The following TCIRG1 variants were observed in gnomAD, a reference collection of about 807,000 sequenced individuals.
The protein encoded by TCIRG1 is T cell immune regulator 1, ATPase H+ transporting V0 subunit a3.
Under a neutral mutation model 95.5 loss-of-function variants are expected in TCIRG1, and 86 were observed. That is an observed-to-expected ratio of 0.90 (90% CI 0.76 to 1.08). The LOEUF (loss-of-function observed/expected upper bound fraction) is 1.08, where lower values mean the gene tolerates loss of function less well. Among genes scored for constraint, TCIRG1 ranks in the 50% least tolerant of loss-of-function variants. The probability of loss-of-function intolerance (pLI) is 0.00; values close to 1 mark genes in which losing one functional copy is unlikely to be tolerated. For missense variants in TCIRG1, 1,069 were observed against 1,140.2 expected (o/e 0.94, Z 0.90); for synonymous variants, 499 against 501.3 (o/e 1.00, Z 0.06).
chr11:68,041,307 G>C lies in TCIRG1; in HGVS notation c.36G>C (p.Leu12=), dbSNP rs2134430551. The C allele has an allele frequency of 6.2e-7, 1 of 1,613,190 alleles. No individual in the cohort carries two copies. Residue 12 remains leucine (L), a synonymous_variant, in exon 2 of 20, where the codon CTG becomes CTC. Coordinates refer to ENST00000265686, the MANE Select transcript of TCIRG1 (RefSeq NM_006019.4). ...TGTTCCGGAGCGAGGAGGTGGCCCT[G>C]GTCCAGCTCTTTCTGCCCACAGCGG... The part of the protein sequence containing the change: ...GSMFRSEEVA[L]VQLFLPTAAA...
At chr11:68,043,338 T>C (rs547027179) in intron 5 of TCIRG1, 33 bp from the exon 6 acceptor site, 23 of 1,535,840 alleles carry the variant, frequency 1.5e-5, no homozygotes, top group Admixed American at 2.0e-5. Context: ...GGCAGGAGGT[T>C]GGAGCAGCCC....
At chr11:68,042,899 G>C (rs976324674) in intron 4 of TCIRG1, 36 bp downstream of exon 4, 2 of 1,550,218 alleles carry the variant, frequency 1.3e-6, no homozygotes, top group South Asian at 2.4e-5. Context: ...TGGGGGGCTG[G>C]GGAGGGGCTG....
intron 5 of TCIRG1, 111 bp from the exon 6 acceptor site, chr11:68,043,260 G>A (rs758601756): frequency 1.7e-5 from 25 of 1,489,226 alleles, no homozygotes; most frequent in Non-Finnish European, 2.1e-5. Flanking sequence ...GGCAGGGCCA[G>A]TGTGCCCAAT....
intron 13 of TCIRG1, 36 bp from the exon 14 acceptor site, chr11:68,048,843 G>A: frequency 6.9e-7 from 1 of 1,446,170 alleles, no homozygotes; most frequent in East Asian, 2.3e-5. Flanking sequence ...TGGCGAGGGA[G>A]CCCCTGAGTC....
rs1330710686 is a variant in TCIRG1, at chr11:68,047,791, C to T, written c.1450C>T (p.Gln484Ter). 6.2e-7 allele frequency: 1 copy of T among 1,613,086 alleles called. No individual in the cohort carries two copies. Among genetic ancestry groups the T allele is most frequent in the African/African-American group, 1.3e-5 (1 of 75,054 alleles). ...SGWSVAAMANQSGWSDAFLAQ... is the reference protein window; with the variant it reads ...SGWSVAAMAN The stretch of plus-strand genomic sequence containing the variant: ...CTGGAGTGTGGCCGCCATGGCCAAC[C>T]AGTCTGGCTGGAGGTGAGGCCCGGG... Residue 484 changes from glutamine (Q) to a stop codon, truncating the protein, a stop_gained, in exon 12 of 20, where the codon CAG becomes TAG. Coordinates refer to ENST00000265686, the MANE Select transcript of TCIRG1 (RefSeq NM_006019.4). LOFTEE classifies it high-confidence loss of function.
chr11:68,050,906 G>T (rs947311902), downstream of TCIRG1: 3 of 1,433,976 alleles, frequency 2.1e-6, no homozygotes, highest in Non-Finnish European at 9.6e-7. Context: ...GTGATGTCTC[G>T]TCTCTCTTCC....
chr11:68,044,172 GC>G lies in TCIRG1; in HGVS notation c.850del (p.Arg284GlyfsTer16). 1 of 1,553,154 alleles carries G rather than the reference GC, an allele frequency of 6.4e-7. No homozygotes were observed. The highest frequency in any genetic ancestry group is 1.4e-5 in the African/African-American group (1 of 73,626). ...GAGCGGTTCCTGAGCCAGGTGCTAG[GC>G]CGGGTGCTGCAGCTGCTGCCGCCAG... ...ETERFLSQVL[G>X]RVLQLLPPGQ... is the part of the protein sequence containing the mutation. On this transcript the variant is annotated frameshift_variant, in exon 9 of 20. Coordinates refer to ENST00000265686, the MANE Select transcript of TCIRG1 (RefSeq NM_006019.4). LOFTEE classifies it high-confidence loss of function.
downstream of TCIRG1, chr11:68,053,741 G>C (rs1247567668): frequency 2.3e-6 from 1 of 427,388 alleles, no homozygotes; most frequent in African/African-American, 2.0e-5. Flanking sequence ...AGGATTCAGA[G>C]ATGTTGCACT....
rs772507621 is a variant in TCIRG1, at chr11:68,050,853, G to A, written c.*34G>A. 26 of 1,606,188 alleles carry A rather than the reference G, an allele frequency of 1.6e-5. No homozygotes were observed. Among genetic ancestry groups the A allele is most frequent in the Non-Finnish European group, 2.0e-5 (23 of 1,176,204 alleles). ...GCAGGTCCTGCCAGACCTCCTTCCTGACCTCTGAGGCAGGAGAGGAATAAA... is the reference window on the plus strand; with the variant it reads ...GCAGGTCCTGCCAGACCTCCTTCCTAACCTCTGAGGCAGGAGAGGAATAAA... On this transcript the variant is annotated 3_prime_UTR_variant, in exon 20 of 20. Transcript: ENST00000265686.
At position 68,045,227 on chromosome 11, in the gene TCIRG1, C is replaced by T. The variant is rs1011431515; in HGVS notation, c.1165+125C>T. 1.3e-5 allele frequency: 16 copies of T among 1,195,560 alleles called. 1 individual carries two copies. The African/African-American group carries it at 2.1e-4, about 16-fold the overall frequency. The allele number at this position is 1,195,560 out of a possible 1,614,324, so 74.1% of individuals were successfully genotyped here. On this transcript the variant is annotated intron_variant, in intron 10 of 19. Coordinates refer to ENST00000265686, the MANE Select transcript of TCIRG1 (RefSeq NM_006019.4). ...CTGCCCTCCTGGGATGAGGGGCACACATCCCATCACTCTCAAGGGGCTGTT... is the reference window on the plus strand; with the variant it reads ...CTGCCCTCCTGGGATGAGGGGCACATATCCCATCACTCTCAAGGGGCTGTT...
chr11:68,050,212 G>T lies in TCIRG1; in HGVS notation c.2194G>T (p.Ala732Ser). 6.2e-7 allele frequency: 1 copy of T among 1,613,498 alleles called. No individual in the cohort carries two copies. The highest frequency in any genetic ancestry group is 8.5e-7 in the Non-Finnish European group (1 of 1,179,904). Reference sequence around the variant, plus strand: ...CTGCCTGGGCTGCGTCTCCAACACCGCCTCCTACCTGCGCCTGTGGGCCCT... The same window carrying T: ...CTGCCTGGGCTGCGTCTCCAACACCTCCTCCTACCTGCGCCTGTGGGCCCT... ...EFCLGCVSNTASYLRLWALSL... is the reference protein window; with the variant it reads ...EFCLGCVSNTSSYLRLWALSL... The change falls in exon 18 of 20, where the codon GCC becomes TCC. Residue 732 changes from alanine (A) to serine (S), a missense_variant. Physicochemically the swap from Ala to Ser is moderately conservative, Grantham distance 99. Transcript: ENST00000265686.
At position 68,047,697 on chromosome 11, in the gene TCIRG1, G is replaced by T; in HGVS notation, c.1356G>T (p.Leu452=). The T allele has an allele frequency of 6.2e-7, 1 of 1,612,296 alleles. No individual in the cohort carries two copies. The highest frequency in any genetic ancestry group is 8.5e-7 in the Non-Finnish European group (1 of 1,179,606). The change falls in exon 12 of 20, where the codon CTG becomes CTT. Residue 452 remains leucine, a synonymous_variant. Coordinates refer to ENST00000265686, the MANE Select transcript of TCIRG1 (RefSeq NM_006019.4). ...GCTACCTGCTCCTGCTTATGGGCCT[G>T]TTCTCCATCTACACCGGCTTCATCT... ...RGRYLLLLMG[L]FSIYTGFIYN...
chr11:68,052,881 G>A (rs1051959892), downstream of TCIRG1: 1 of 152,222 alleles, frequency 6.6e-6, no homozygotes, highest in African/African-American at 2.4e-5. Flanking sequence ...TTTTTTATTT[G>A]TATAGTACAA....
At chr11:68,053,667 G>A, downstream of TCIRG1, 1 of 305,360 alleles carries the variant, frequency 3.3e-6, no homozygotes, top group Non-Finnish European at 6.2e-6. Context: ...GCTTACTCTT[G>A]CTGTTTGCCT....
chr11:68,044,908 C>T (rs770243145), intron 9 of TCIRG1, 50 bp from the exon 10 acceptor site: 1 of 1,601,032 alleles, frequency 6.2e-7, no homozygotes, highest in Admixed American at 1.7e-5. Context: ...ATCCCAGGGT[C>T]CCTGAAGGCC....
Position 68,047,496 on chromosome 11 carries a change from G to T in TCIRG1, c.1229G>T (p.Gly410Val). ...GTGATGTTCGGGGATGTGGGCCACGGGCTGCTCATGTTCCTGTTCGCCCTG... is the reference window on the plus strand; with the variant it reads ...GTGATGTTCGGGGATGTGGGCCACGTGCTGCTCATGTTCCTGTTCGCCCTG... ...FAVMFGDVGH[G>V]LLMFLFALAM... is the part of the protein sequence containing the mutation. The change falls in exon 11 of 20, where the codon GGG becomes GTG. Residue 410 changes from glycine to valine, a missense_variant. Transcript: ENST00000265686. 6.2e-7 allele frequency: 1 copy of T among 1,614,088 alleles called. No homozygotes were observed. The highest frequency in any genetic ancestry group is 8.5e-7 in the Non-Finnish European group (1 of 1,180,006).
At chr11:68,041,459 G>A in intron 2 of TCIRG1, 71 bp downstream of exon 2, 1 of 1,158,480 alleles carries the variant, frequency 8.6e-7, no homozygotes, top group South Asian at 1.3e-5. Flanking sequence ...CCAGGATGGG[G>A]ACTGCCCCCC....
At chr11:68,043,939 T>C (rs1273740232) in intron 8 of TCIRG1, 32 bp downstream of exon 8, 2 of 1,477,276 alleles carry the variant, frequency 1.4e-6, no homozygotes, top group South Asian at 2.4e-5. Flanking sequence ...GAGGCGGGTG[T>C]AGGAGGTGGG....
At chr11:68,050,959 G>A (rs1286050039), downstream of TCIRG1, 10 of 953,114 alleles carry the variant, frequency 1.0e-5, no homozygotes, top group Admixed American at 2.0e-5. Flanking sequence ...AAGGCATGGT[G>A]TAGGATCTGG....
Sources: gnomAD v4.1 joint callset for allele counts on GRCh38, gnomAD v4.1.1 for gene constraint, MANE v1.5 for transcripts, NCBI Gene and HGNC (gene_info 2026-07-23, HGNC 2026-07-21) for gene names.